The following MAP7 variants were observed in gnomAD, a reference collection of about 807,000 sequenced individuals.
MAP7 encodes microtubule associated protein 7.
MAP7 carries 52 observed loss-of-function variants against 94.8 expected under a neutral mutation model. The observed-to-expected ratio is 0.55, with a 90% CI of 0.44 to 0.69. The LOEUF (loss-of-function observed/expected upper bound fraction) is 0.69. Ranked by LOEUF, MAP7 falls within the 30% of genes least tolerant of loss-of-function variation. The probability of loss-of-function intolerance (pLI) is 0.00; values close to 1 mark genes in which losing one functional copy is unlikely to be tolerated. For missense variants in MAP7, 940 were observed against 964.6 expected (o/e 0.97, Z 0.34); for synonymous variants, 350 against 357.0 (o/e 0.98, Z 0.22).
At chr6:136,460,747 A>T (rs1804929696) in intron 1 of MAP7, among the ~76,000 whole-genome samples, 1 of 152,112 alleles carries the variant, frequency 6.6e-6, no homozygotes, top group Non-Finnish European at 1.5e-5. Flanking sequence ...GTAGCTGTAG[A>T]GTTGCTGTCA....
At chr6:136,501,912 A>G (rs890199626) in intron 1 of MAP7, among the ~76,000 whole-genome samples, 1 of 152,212 alleles carries the variant, frequency 6.6e-6, no homozygotes. Context: ...GAATAAGGAA[A>G]GATTCCTCCT....
intron 16 of MAP7, among the ~76,000 whole-genome samples, chr6:136,353,222 G>T (rs1789728040): frequency 6.6e-6 from 1 of 152,098 alleles, no homozygotes; most frequent in African/African-American, 2.4e-5. Flanking sequence ...GCTGAGTTTT[G>T]CTACATAATT....
chr6:136,347,253 A>C (rs1473697377), intron 16 of MAP7, among the ~76,000 whole-genome samples: 1 of 152,248 alleles, frequency 6.6e-6, no homozygotes, highest in Non-Finnish European at 1.5e-5. Context: ...AATGCTCAAC[A>C]AATTAACCTT....
At chr6:136,443,289 GA>G (rs1221049122) in intron 1 of MAP7, among the ~76,000 whole-genome samples, 1 of 151,928 alleles carries the variant, frequency 6.6e-6, no homozygotes, top group Non-Finnish European at 1.5e-5. Flanking sequence ...GAGGTTAGTG[GA>G]AAAAAAGATG....
intron 3 of MAP7, among the ~76,000 whole-genome samples, chr6:136,406,992 T>C (rs1785819831): frequency 6.6e-6 from 1 of 152,220 alleles, no homozygotes; most frequent in Non-Finnish European, 1.5e-5. Flanking sequence ...TTAAAAAACT[T>C]ACCTTGCCAA....
chr6:136,512,740 C>G (rs1823634277), intron 1 of MAP7, among the ~76,000 whole-genome samples: 1 of 152,022 alleles, frequency 6.6e-6, no homozygotes, highest in Non-Finnish European at 1.5e-5. Flanking sequence ...GAGTTGTAAT[C>G]TTTTTGGTGG....
intron 3 of MAP7, among the ~76,000 whole-genome samples, chr6:136,402,458 C>T (rs1240213794): frequency 2.0e-5 from 3 of 152,174 alleles, no homozygotes; most frequent in Non-Finnish European, 2.9e-5. Flanking sequence ...TGGAGGATCC[C>T]CACAACACGG....
In MAP7 at chr6:136,346,003, A is replaced by G. The variant is rs147492356; in HGVS notation, c.2092T>C (p.Leu698=). 98 of 1,613,702 alleles carry G rather than the reference A, an allele frequency of 6.1e-5. No individual in the cohort carries two copies. In the African/African-American group the frequency reaches 8.4e-4, roughly 14 times the overall value. Reference sequence around the variant, plus strand: ...CTGGATGGTTTAGATCCAATGGGTAAGTTTATAATTTCTTCAAAATTTTCA... The same window carrying G: ...CTGGATGGTTTAGATCCAATGGGTAGGTTTATAATTTCTTCAAAATTTTCA... The part of the protein sequence containing the change: ...QNENFEEIIN[L]PIGSKPSRLD... The change falls in exon 17 of 18, where the codon TTA becomes CTA. Residue 698 remains leucine (L), a synonymous_variant. Coordinates refer to ENST00000354570, the MANE Select transcript of MAP7 (RefSeq NM_003980.6).
intron 1 of MAP7, among the ~76,000 whole-genome samples, chr6:136,510,071 G>A (rs982359761): frequency 3.3e-5 from 5 of 152,136 alleles, no homozygotes; most frequent in East Asian, 1.9e-4. Context: ...GTGTGGTGGC[G>A]TGTGCCTGTA....
Position 136,411,630 on chromosome 6 carries a change from C to G in MAP7, c.234G>C (p.Glu78Asp), listed in dbSNP as rs775441643. 21 of 1,560,356 alleles carry G rather than the reference C, an allele frequency of 1.3e-5. No individual in the cohort carries two copies. Among genetic ancestry groups the G allele is most frequent in the Admixed American group, 1.9e-5 (1 of 52,856 alleles). Residue 78 changes from glutamate to aspartate, a missense_variant, in exon 3 of 18, where the codon GAG becomes GAC. Physicochemically the swap from Glu to Asp is conservative, Grantham distance 45 (BLOSUM62 2). Coordinates refer to ENST00000354570, the MANE Select transcript of MAP7 (RefSeq NM_003980.6). ...CGGGGCCTGGGGTACCTAGCTGTTT[C>G]TCCCGTTCCTCACGTCGCTCCCGGG... Reference protein sequence around the residue: ...RLARERREEREKQLAAREIVW... With the variant: ...RLARERREERDKQLAAREIVW...
At chr6:136,430,940 C>T (rs1233427277) in intron 1 of MAP7, among the ~76,000 whole-genome samples, 5 of 152,218 alleles carry the variant, frequency 3.3e-5, no homozygotes, top group African/African-American at 1.2e-4. Flanking sequence ...CATCCCACAC[C>T]AGAGTGGTCC....
chr6:136,370,896 C>A (rs1378159718), intron 8 of MAP7, among the ~76,000 whole-genome samples: 1 of 99,494 alleles, frequency 1.0e-5, no homozygotes. Context: ...GTAAATTTTA[C>A]GTTACATGCT....
chr6:136,448,803 G>A (rs2128875389), intron 1 of MAP7, among the ~76,000 whole-genome samples: 1 of 152,108 alleles, frequency 6.6e-6, no homozygotes, highest in South Asian at 2.1e-4. Context: ...AAAAAGAAGA[G>A]AAAACAGTAA....
chr6:136,492,602 T>C (rs1250082322), intron 1 of MAP7, among the ~76,000 whole-genome samples: 1 of 152,216 alleles, frequency 6.6e-6, no homozygotes, highest in Non-Finnish European at 1.5e-5. Flanking sequence ...TTCATTCTGA[T>C]TGCTGAGCTG....
At chr6:136,372,756 T>G (rs929271037) in intron 7 of MAP7, 131 bp from the exon 8 acceptor site, 21 of 1,133,622 alleles carry the variant, frequency 1.9e-5, no homozygotes, top group Admixed American at 4.0e-5. Flanking sequence ...GAGAGAAAAG[T>G]AGGAAGAAGA....
chr6:136,400,316 T>C (rs1297870655), intron 3 of MAP7, among the ~76,000 whole-genome samples: 1 of 151,020 alleles, frequency 6.6e-6, no homozygotes, highest in East Asian at 1.9e-4. Context: ...CTAGGGAGGC[T>C]GAGGCAGGAG....
intron 1 of MAP7, among the ~76,000 whole-genome samples, chr6:136,529,206 G>A (rs527461149): frequency 4.6e-5 from 7 of 152,076 alleles, no homozygotes; most frequent in Non-Finnish European, 8.8e-5. Context: ...CCTCCACCTC[G>A]CGGGTTCAAG....
chr6:136,507,170 C>A lies in MAP7; in HGVS notation c.67+43172G>T, dbSNP rs566254551. Among the ~76,000 whole-genome samples the A allele has an allele frequency of 8.6e-5, 13 of 151,946 alleles. No individual in the cohort carries two copies. In the East Asian group the frequency reaches 2.3e-3, roughly 27 times the overall value. On this transcript the variant is annotated intron_variant, in intron 1 of 17. Coordinates refer to ENST00000354570, the MANE Select transcript of MAP7 (RefSeq NM_003980.6). Reference sequence around the variant, plus strand: ...GCTATAAGAAAAGTAATCCCTGCTCCCCAGAAAAGTGGGGGAAGGCAGCGT... The same window carrying A: ...GCTATAAGAAAAGTAATCCCTGCTCACCAGAAAAGTGGGGGAAGGCAGCGT...
At chr6:136,377,722 C>T (rs1290724569) in intron 7 of MAP7, 33 bp downstream of exon 7, 10 of 1,530,500 alleles carry the variant, frequency 6.5e-6, no homozygotes, top group Non-Finnish European at 9.1e-6. Flanking sequence ...AGGACTTGAC[C>T]TCATGGGGAA....
Sources: gnomAD v4.1 joint callset for allele counts (sites outside exome capture counted in the v4.1 genomes callset) on GRCh38, gnomAD v4.1.1 for gene constraint, MANE v1.5 for transcripts, NCBI Gene and HGNC (gene_info 2026-07-23, HGNC 2026-07-21) for gene names.